The following RAPGEF4 variants were observed in gnomAD, a reference collection of about 807,000 sequenced individuals.
The protein encoded by RAPGEF4 is RAP guanine-nucleotide-exchange factor (GEF) 4.
RAPGEF4 carries 66 observed loss-of-function variants against 147.9 expected under a neutral mutation model. That is an observed-to-expected ratio of 0.45 (90% CI 0.37 to 0.55). The LOEUF is 0.55. Among genes scored for constraint, RAPGEF4 ranks in the 20% least tolerant of loss-of-function variants. The pLI, the probability that RAPGEF4 is intolerant of heterozygous loss-of-function variation, is 0.00. For missense variants in RAPGEF4, 1,071 were observed against 1,257.3 expected, an observed-to-expected ratio of 0.85 and a Z score of 2.24; for synonymous variants, 419 against 442.7, an observed-to-expected ratio of 0.95 and a Z score of 0.67.
intron 17 of RAPGEF4, among the ~76,000 whole-genome samples, chr2:173,011,639 A>G (rs1490924423): frequency 1.3e-5 from 2 of 152,140 alleles, no homozygotes; most frequent in Non-Finnish European, 2.9e-5. Context: ...ATTTCAGATG[A>G]ATAGGACTGT....
At chr2:172,804,630 G>A (rs554136260) in intron 3 of RAPGEF4, among the ~76,000 whole-genome samples, 45 of 152,294 alleles carry the variant, frequency 3.0e-4, no homozygotes, top group Middle Eastern at 3.4e-3. Flanking sequence ...TAGGCAGTGC[G>A]TGCAGTCATT....
chr2:172,871,630 T>C (rs1423326074), intron 4 of RAPGEF4, among the ~76,000 whole-genome samples: 12 of 151,928 alleles, frequency 7.9e-5, no homozygotes. Context: ...GCAGACTTTT[T>C]TTTTTTTTTT....
At position 172,841,764 on chromosome 2, in the gene RAPGEF4, A is replaced by G. The variant is rs142359701; in HGVS notation, c.444+27339A>G. Among the ~76,000 whole-genome samples, 706 of 151,470 alleles carry G rather than the reference A, an allele frequency of 4.7e-3. 9 individuals carry two copies. The highest frequency in any genetic ancestry group is 0.013 in the African/African-American group (536 of 41,376). ...AGTGAGGGAACAATTCCCCAAACAG[A>G]CATCCAAATCTACATGTTGGCTGAA... On this transcript the variant is annotated intron_variant, in intron 4 of 30. Transcript: ENST00000397081.
intron 4 of RAPGEF4, among the ~76,000 whole-genome samples, chr2:172,877,324 A>G (rs1293835217): frequency 6.6e-6 from 1 of 152,094 alleles, no homozygotes; most frequent in Non-Finnish European, 1.5e-5. Flanking sequence ...AAATGAGAAC[A>G]TATGGACACA....
At chr2:172,948,625 A>G (rs1032581107) in intron 6 of RAPGEF4, among the ~76,000 whole-genome samples, 2 of 152,202 alleles carry the variant, frequency 1.3e-5, no homozygotes, top group African/African-American at 4.8e-5. Flanking sequence ...ATGCAGCCAT[A>G]AAAAAGAATG....
At chr2:172,882,272 C>T (rs1189979682) in intron 4 of RAPGEF4, among the ~76,000 whole-genome samples, 1 of 152,176 alleles carries the variant, frequency 6.6e-6, no homozygotes, top group Non-Finnish European at 1.5e-5. Flanking sequence ...CTTTAGACCT[C>T]AATGGGTATC....
intron 1 of RAPGEF4, among the ~76,000 whole-genome samples, chr2:172,783,898 T>C (rs1049517962): frequency 2.0e-5 from 3 of 151,928 alleles, no homozygotes; most frequent in Non-Finnish European, 2.9e-5. Flanking sequence ...TCGGATGAAA[T>C]GACCAAACAA....
intron 4 of RAPGEF4, among the ~76,000 whole-genome samples, chr2:172,894,761 T>C (rs1228897994): frequency 6.6e-6 from 1 of 152,118 alleles, no homozygotes; most frequent in Admixed American, 6.6e-5. Context: ...TCAGAGAAAC[T>C]CAAAGGAATG....
chr2:173,035,678 A>G (rs1051012385), intron 27 of RAPGEF4, among the ~76,000 whole-genome samples: 2 of 152,140 alleles, frequency 1.3e-5, no homozygotes, highest in Non-Finnish European at 2.9e-5. Context: ...ACTTTCCCCA[A>G]ATTTAACCAC....
At chr2:172,814,030 G>A (rs771110238) in intron 3 of RAPGEF4, among the ~76,000 whole-genome samples, 7 of 152,152 alleles carry the variant, frequency 4.6e-5, no homozygotes, top group African/African-American at 9.7e-5. Flanking sequence ...CTTTCATGAC[G>A]GAAATCAGAA....
chr2:172,945,418 T>TA (rs1366265142), intron 6 of RAPGEF4, among the ~76,000 whole-genome samples: 4 of 152,164 alleles, frequency 2.6e-5, no homozygotes, highest in African/African-American at 7.2e-5. Flanking sequence ...TCTGAGTCCT[T>TA]AAAGGTTATC....
chr2:172,964,401 ATTTTTT>A (rs11374637), intron 8 of RAPGEF4, among the ~76,000 whole-genome samples: 7 of 115,158 alleles, frequency 6.1e-5, no homozygotes, highest in South Asian at 3.1e-4. Context: ...TGCTCCTCCT[ATTTTTT>A]TTTTTTTTTT....
intron 4 of RAPGEF4, among the ~76,000 whole-genome samples, chr2:172,901,294 G>T (rs780871229): frequency 2.0e-5 from 3 of 152,116 alleles, no homozygotes; most frequent in Non-Finnish European, 4.4e-5. Context: ...AAATTGATTA[G>T]TATCCCTAGA....
At chr2:172,774,764 A>G (rs1294273881) in intron 1 of RAPGEF4, among the ~76,000 whole-genome samples, 1 of 152,192 alleles carries the variant, frequency 6.6e-6, no homozygotes, top group Non-Finnish European at 1.5e-5. Context: ...TAGATCCCCT[A>G]ATAGATCAGA....
chr2:172,995,485 G>A (rs879932493), intron 15 of RAPGEF4, among the ~76,000 whole-genome samples: 1 of 152,090 alleles, frequency 6.6e-6, no homozygotes, highest in African/African-American at 2.4e-5. Context: ...TCACCGTGTT[G>A]CCCAGGCTGG....
chr2:172,876,297 T>C (rs1008546866), intron 4 of RAPGEF4, among the ~76,000 whole-genome samples: 13 of 151,994 alleles, frequency 8.6e-5, no homozygotes, highest in African/African-American at 2.4e-4. Flanking sequence ...TGAATAGGAG[T>C]GGTGAGAGAG....
intron 1 of RAPGEF4, among the ~76,000 whole-genome samples, chr2:172,753,439 C>T (rs558193717): frequency 3.3e-4 from 49 of 148,472 alleles, no homozygotes; most frequent in Non-Finnish European, 6.7e-4. Flanking sequence ...TTTTTATCTG[C>T]CTATAAAGAG....
At chr2:172,784,501 G>C (rs953871368) in intron 1 of RAPGEF4, among the ~76,000 whole-genome samples, 2 of 146,068 alleles carry the variant, frequency 1.4e-5, no homozygotes, top group Admixed American at 6.9e-5. Flanking sequence ...CTGGGCAACA[G>C]AGCGAAACTC....
chr2:173,041,449 C>A (rs1282775969), intron 29 of RAPGEF4, among the ~76,000 whole-genome samples: 2 of 152,006 alleles, frequency 1.3e-5, no homozygotes, highest in African/African-American at 4.8e-5. Context: ...AGTGTCCAGG[C>A]AAAAGAATTT....
Sources: allele counts gnomAD v4.1 joint callset (sites outside exome capture counted in the v4.1 genomes callset), GRCh38; gene constraint gnomAD v4.1.1; transcripts MANE v1.5; gene names NCBI Gene and HGNC (gene_info 2026-07-23, HGNC 2026-07-21).